PTPN14: variants seen among roughly 807,000 people sequenced by gnomAD.
PTPN14 encodes protein tyrosine phosphatase non-receptor type 14, also known as tyrosine-protein phosphatase non-receptor type 14.
In PTPN14, 53 loss-of-function variants were observed where a neutral mutation model predicts 126.8. That is an observed-to-expected ratio of 0.42 (90% CI 0.34 to 0.53). PTPN14 has a LOEUF of 0.53. Ranked by LOEUF, PTPN14 falls within the 20% of genes least tolerant of loss-of-function variation. The pLI is 0.08. For synonymous variants in PTPN14, 630 were observed against 599.3 expected, an observed-to-expected ratio of 1.05 and a Z score of -0.75; for missense variants, 1,257 against 1,552.9, an observed-to-expected ratio of 0.81 and a Z score of 3.20.
In PTPN14 at chr1:214,364,480, G is replaced by T; in HGVS notation, c.3435+32C>A. The stretch of plus-strand genomic sequence containing the variant: ...AGGGTGTAGACTTGTCCCCAAGGTG[G>T]AGTATCCGGAGAGAAGCCCAGAATG... On this transcript the variant is annotated intron_variant, in intron 18 of 18. Transcript: ENST00000366956. This position sits in a 1 kb window ranked among gnomAD's most constrained non-coding sequence, Gnocchi z 4.1. The T allele has an allele frequency of 6.2e-7, 1 of 1,605,524 alleles. No individual in the cohort carries two copies. The highest frequency in any genetic ancestry group is 1.1e-5 in the South Asian group (1 of 89,940).
intron 1 of PTPN14, among the ~76,000 whole-genome samples, chr1:214,471,080 T>C (rs146618702): frequency 6.7e-6 from 1 of 149,874 alleles, no homozygotes; most frequent in Non-Finnish European, 1.5e-5. Flanking sequence ...CCTAAATCTT[T>C]TTTTTTTTTT....
At position 214,354,303 on chromosome 1, in the gene PTPN14, C is replaced by T. The variant is rs1558065381; in HGVS notation, c.*3619G>A. ...AAAGCTTACGATTCAAAATATTCCA[C>T]ATAGGTATTTTTACCTTCCCTGATC... On this transcript the variant is annotated 3_prime_UTR_variant, in exon 19 of 19. Transcript: ENST00000366956. 6.6e-6 allele frequency: 1 copy of T among 152,254 alleles called. No homozygotes were observed. The highest frequency in any genetic ancestry group is 1.5e-5 in the Non-Finnish European group (1 of 68,044). 9.4% of individuals were successfully genotyped at this position (152,254 alleles called of 1,614,324 possible). A position where few individuals can be genotyped will look rare whatever the true frequency, so the allele number is the denominator to read the frequency against.
intron 3 of PTPN14, among the ~76,000 whole-genome samples, chr1:214,434,478 GA>G (rs1383953404): frequency 4.6e-5 from 7 of 151,002 alleles, no homozygotes; most frequent in Admixed American, 1.3e-4. Flanking sequence ...AAAAACTGAT[GA>G]AAGCAATGAG....
In PTPN14 at chr1:214,384,052, C is replaced by G; in HGVS notation, c.1803G>C (p.Lys601Asn). Residue 601 changes from lysine to asparagine, a missense_variant, in exon 13 of 19, where the codon AAG (lysine) becomes AAC (asparagine). Lys to Asn is a moderately conservative substitution (Grantham distance 94). This residue lies in a region of PTPN14 where 1,021 missense variants were observed against 1,183.3 expected (regional missense o/e 0.86). Transcript: ENST00000366956. This position sits in a 1 kb window ranked among gnomAD's most constrained non-coding sequence, Gnocchi z 5.3. ...SGSSPDLVTR[K>N]VQLSVKTFQE... Reference sequence around the variant, plus strand: ...GGAAGGTCTTCACCGAGAGCTGCACCTTCCGGGTCACCAGGTCCGGGCTGC... The same window carrying G: ...GGAAGGTCTTCACCGAGAGCTGCACGTTCCGGGTCACCAGGTCCGGGCTGC... 6.3e-7 allele frequency: 1 copy of G among 1,585,882 alleles called. No homozygotes were observed. The highest frequency in any genetic ancestry group is 8.6e-7 in the Non-Finnish European group (1 of 1,168,362).
chr1:214,378,485 C>T (rs1342822730), intron 13 of PTPN14, among the ~76,000 whole-genome samples: 1 of 152,194 alleles, frequency 6.6e-6, no homozygotes, highest in Non-Finnish European at 1.5e-5. Context: ...ACCATCTAAT[C>T]CAATCACAGT....
chr1:214,384,215 A>T lies in PTPN14; in HGVS notation c.1640T>A (p.Leu547Gln). 2 of 1,613,024 alleles carry T rather than the reference A, an allele frequency of 1.2e-6. No homozygotes were observed. The highest frequency in any genetic ancestry group is 4.5e-5 in the East Asian group (2 of 44,870). ...CGTGCTGTAGTTATGGCTGCCCTGC[A>T]GCTGCATGTTGGCCAGCTCTGGGGT... ...VSTPELANMQ[L>Q]QGSHNYSTAH... Residue 547 changes from leucine (L) to glutamine (Q), a missense_variant, in exon 13 of 19, where the codon CTG (leucine) becomes CAG (glutamine). Physicochemically the swap from Leu to Gln is moderately radical, Grantham distance 113 (BLOSUM62 -2). Coordinates refer to ENST00000366956, the MANE Select transcript of PTPN14 (RefSeq NM_005401.5). This position sits in a 1 kb window ranked among gnomAD's most constrained non-coding sequence, Gnocchi z 5.3.
Position 214,376,492 on chromosome 1 carries a change from G to C in PTPN14, c.2689-55C>G, listed in dbSNP as rs113844386. The C allele has an allele frequency of 2.5e-4, 357 of 1,408,554 alleles. No individual in the cohort carries two copies. The African/African-American group carries it at 4.6e-3, about 18-fold the overall frequency. The allele number at this position is 1,408,554 out of a possible 1,614,324, so 87.3% of individuals were successfully genotyped here. The stretch of plus-strand genomic sequence containing the variant: ...AAATTATCTGATCCAAAAACTCAAT[G>C]AAACAACCAAATTTCTTTAAATATT... On this transcript the variant is annotated intron_variant, in intron 14 of 18. Transcript: ENST00000366956.
At chr1:214,430,453 G>C (rs909148486) in intron 3 of PTPN14, among the ~76,000 whole-genome samples, 8 of 152,186 alleles carry the variant, frequency 5.3e-5, no homozygotes, top group African/African-American at 1.7e-4. Context: ...CTTCTGTGAA[G>C]GTATTTTTTG....
chr1:214,542,555 G>C (rs918889529), intron 1 of PTPN14, among the ~76,000 whole-genome samples: 4 of 152,170 alleles, frequency 2.6e-5, no homozygotes, highest in Non-Finnish European at 5.9e-5. Context: ...AGGTTAACCA[G>C]GACACAGGGC....
intron 1 of PTPN14, among the ~76,000 whole-genome samples, chr1:214,537,017 C>G (rs957494003): frequency 1.3e-5 from 2 of 152,054 alleles, no homozygotes; most frequent in African/African-American, 4.8e-5. Context: ...TCTGTACTTG[C>G]TATGAAATAT....
intron 3 of PTPN14, among the ~76,000 whole-genome samples, chr1:214,438,005 G>T (rs577049633): frequency 2.0e-5 from 3 of 152,210 alleles, no homozygotes; most frequent in Non-Finnish European, 4.4e-5. Flanking sequence ...ACTGATGCAC[G>T]TAGTGTGAAG....
chr1:214,462,170 C>CA lies in PTPN14; in HGVS notation c.174+2459dup, dbSNP rs575362987. ...TGCGGATGCACCCATTAGGACGTGT[C>CA]AAAATAAAGTCAGTATTAAACACAA... is the stretch of plus-strand genomic sequence containing the variant. On this transcript the variant is annotated intron_variant, in intron 2 of 18. Transcript: ENST00000366956. Among the ~76,000 whole-genome samples the CA allele has an allele frequency of 8.9e-3, 1,352 of 152,190 alleles. 11 individuals are homozygous for CA. Among genetic ancestry groups the CA allele is most frequent in the Middle Eastern group, 0.027 (8 of 294 alleles).
intron 3 of PTPN14, among the ~76,000 whole-genome samples, chr1:214,449,851 A>G (rs1660233060): frequency 1.4e-5 from 2 of 145,842 alleles, no homozygotes; most frequent in Admixed American, 1.3e-4. Flanking sequence ...AAAAATAAAA[A>G]AAAAAGGAAA....
At chr1:214,395,045 G>C in intron 8 of PTPN14, 59 bp from the exon 9 acceptor site, 1 of 1,377,358 alleles carries the variant, frequency 7.3e-7, no homozygotes, top group Non-Finnish European at 1.0e-6. Flanking sequence ...TTATGATACA[G>C]CAGAGGAGGG....
intron 1 of PTPN14, among the ~76,000 whole-genome samples, chr1:214,514,591 C>T (rs976184185): frequency 6.6e-6 from 1 of 151,874 alleles, no homozygotes. Flanking sequence ...GGTCCCCCCT[C>T]GATGGTGCTG....
chr1:214,476,156 C>T lies in PTPN14; in HGVS notation c.-154-11199G>A, dbSNP rs986009733. ...CAGGGTCCCATCCCAGCCATAGCAC[C>T]CTGCCAGAGCCTCTTACCTAGATGG... On this transcript the variant is annotated intron_variant, in intron 1 of 18. Coordinates refer to ENST00000366956, the MANE Select transcript of PTPN14 (RefSeq NM_005401.5). Among the ~76,000 whole-genome samples, 4 of 152,140 alleles carry T rather than the reference C, an allele frequency of 2.6e-5. No individual in the cohort carries two copies. In the East Asian group the frequency reaches 5.8e-4, roughly 22 times the overall value.
At chr1:214,496,995 C>A (rs1258042333) in intron 1 of PTPN14, among the ~76,000 whole-genome samples, 3 of 151,180 alleles carry the variant, frequency 2.0e-5, no homozygotes, top group African/African-American at 7.3e-5. Context: ...AAATAAGATC[C>A]AAAACTGAGA....
At chr1:214,452,396 A>T (rs1367945017) in intron 2 of PTPN14, among the ~76,000 whole-genome samples, 1 of 152,226 alleles carries the variant, frequency 6.6e-6, no homozygotes, top group Non-Finnish European at 1.5e-5. Context: ...TTATTACTCA[A>T]TTCCTAAGAC....
intron 16 of PTPN14, 147 bp from the exon 17 acceptor site, chr1:214,369,838 C>CCTAT: frequency 2.9e-6 from 2 of 683,644 alleles, no homozygotes; most frequent in Admixed American, 5.1e-5. Flanking sequence ...CAGGGTAGAT[C>CCTAT]CTATACATGC....
Sources: allele counts gnomAD v4.1 joint callset (sites outside exome capture counted in the v4.1 genomes callset), GRCh38; gene constraint gnomAD v4.1.1; regional missense constraint gnomAD v4.1.1; non-coding constraint Gnocchi (gnomAD v3.1); transcripts MANE v1.5; gene names NCBI Gene and HGNC (gene_info 2026-07-23, HGNC 2026-07-21).